CDH4: variants seen among roughly 807,000 people sequenced by gnomAD.
The protein encoded by CDH4 is cadherin-4.
CDH4 carries 33 observed loss-of-function variants against 86.0 expected under a neutral mutation model. The observed-to-expected ratio is 0.38, with a 90% CI of 0.29 to 0.51. The LOEUF (loss-of-function observed/expected upper bound fraction) is 0.51. Among genes scored for constraint, CDH4 ranks in the 20% least tolerant of loss-of-function variants. The pLI is 0.86. For synonymous variants in CDH4, 555 were observed against 549.4 expected (o/e 1.01, Z -0.14); for missense variants, 1,114 against 1,307.4 (o/e 0.85, Z 2.28).
chr20:61,435,938 G>C (rs1048971466), intron 2 of CDH4: 7 of 152,418 alleles, frequency 4.6e-5, no homozygotes, highest in African/African-American at 1.7e-4. Context: ...TTCCAGGCCA[G>C]TGTGGCCTGG....
chr20:61,423,355 C>T (rs1422042072), intron 2 of CDH4, among the ~76,000 whole-genome samples: 1 of 152,144 alleles, frequency 6.6e-6, no homozygotes, highest in Non-Finnish European at 1.5e-5. Flanking sequence ...GCCACTGCCT[C>T]ATGTTTCTTT....
chr20:61,458,807 T>A (rs183601576), intron 2 of CDH4, among the ~76,000 whole-genome samples: 1 of 152,078 alleles, frequency 6.6e-6, no homozygotes, highest in East Asian at 1.9e-4. Context: ...GTGGTGGCAA[T>A]GAGTGAAGCC....
At chr20:61,899,724 G>A (rs976115446) in intron 8 of CDH4, among the ~76,000 whole-genome samples, 4 of 152,188 alleles carry the variant, frequency 2.6e-5, no homozygotes, top group African/African-American at 7.2e-5. Context: ...ACCGCACCCA[G>A]CCCAGGTTAA....
intron 2 of CDH4, among the ~76,000 whole-genome samples, chr20:61,732,131 C>T (rs1184987876): frequency 6.6e-6 from 1 of 152,238 alleles, no homozygotes; most frequent in Non-Finnish European, 1.5e-5. Flanking sequence ...GGCTCGAGTG[C>T]ATTACTCAGG....
chr20:61,503,238 C>T (rs1238862001), intron 2 of CDH4, among the ~76,000 whole-genome samples: 4 of 152,100 alleles, frequency 2.6e-5, no homozygotes, highest in Non-Finnish European at 4.4e-5. Context: ...AGAAGCTCAA[C>T]GTGGGCCCAC....
At chr20:61,587,303 G>A (rs571947900) in intron 2 of CDH4, among the ~76,000 whole-genome samples, 1 of 152,200 alleles carries the variant, frequency 6.6e-6, no homozygotes, top group South Asian at 2.1e-4. Flanking sequence ...CAAGGGGGAT[G>A]CTCTTTCTTT....
chr20:61,257,171 G>T (rs1049052687), intron 2 of CDH4, among the ~76,000 whole-genome samples: 1 of 152,190 alleles, frequency 6.6e-6, no homozygotes, highest in African/African-American at 2.4e-5. Flanking sequence ...TCACAGAGTG[G>T]CCATGTTCCT....
chr20:61,738,045 C>T (rs1330768845), intron 2 of CDH4, among the ~76,000 whole-genome samples: 3 of 152,168 alleles, frequency 2.0e-5, no homozygotes, highest in Non-Finnish European at 2.9e-5. Context: ...GTGAGGACAG[C>T]AGGTGTTCCC....
intron 2 of CDH4, among the ~76,000 whole-genome samples, chr20:61,351,112 G>C (rs2084709553): frequency 6.6e-6 from 1 of 152,182 alleles, no homozygotes; most frequent in Non-Finnish European, 1.5e-5. Context: ...AAGGCCTGCT[G>C]TCCTCCGTGC....
chr20:61,691,349 ATT>A (rs1042401834), intron 2 of CDH4, among the ~76,000 whole-genome samples: 24 of 147,878 alleles, frequency 1.6e-4, no homozygotes, highest in African/African-American at 6.0e-4. Context: ...ATGTGTGTGT[ATT>A]TTTGTGTGTG....
At chr20:61,923,801 C>T in intron 10 of CDH4, 97 bp downstream of exon 10, 6 of 1,458,318 alleles carry the variant, frequency 4.1e-6, no homozygotes, top group Non-Finnish European at 5.5e-6. Context: ...GCCCAGAATT[C>T]CCCCAGATGG....
intron 2 of CDH4, among the ~76,000 whole-genome samples, chr20:61,277,946 A>G (rs1328698172): frequency 6.6e-6 from 1 of 152,198 alleles, no homozygotes; most frequent in Non-Finnish European, 1.5e-5. Context: ...ATCGGGCCTA[A>G]TGGGCCCTCA....
chr20:61,592,430 T>G (rs898733964), intron 2 of CDH4, among the ~76,000 whole-genome samples: 2 of 151,948 alleles, frequency 1.3e-5, no homozygotes, highest in African/African-American at 2.4e-5. Context: ...TGGCCAATGG[T>G]ATGGTTTTTT....
In CDH4 at chr20:61,613,587, G is replaced by T. The variant is rs973113377; in HGVS notation, c.170-129976G>T. On this transcript the variant is annotated intron_variant, in intron 2 of 15. Coordinates refer to ENST00000614565, the MANE Select transcript of CDH4 (RefSeq NM_001794.5). ...TCCAAAAACAAAATCTGGAAAAAAG[G>T]CTTCAAAAGAAAAAAAAAAAAAAAA... Among the ~76,000 whole-genome samples, 3 of 81,512 alleles carry T rather than the reference G, an allele frequency of 3.7e-5. No individual in the cohort carries two copies. In the Admixed American group the frequency reaches 4.9e-4, roughly 13 times the overall value. The allele number at this position is 81,512 out of a possible 152,430, so 53.5% of individuals were successfully genotyped here. A position where few individuals can be genotyped will look rare whatever the true frequency, so the allele number is the denominator to read the frequency against.
intron 2 of CDH4, among the ~76,000 whole-genome samples, chr20:61,705,197 C>T (rs55912004): frequency 0.014 from 2,080 of 152,308 alleles, 54 homozygotes; most frequent in African/African-American, 0.047. Context: ...TTGTTCTCAC[C>T]TTGGTGGAGG....
rs538982344 is a variant in CDH4, at chr20:61,335,945, G to GT, written c.169+81014dup. ...TTGGTACCTTGCCCTTATTTATGTGGTTTTTTAATGATGAAAGTAGAAACG... is the reference window on the plus strand; with the variant it reads ...TTGGTACCTTGCCCTTATTTATGTGGTTTTTTTAATGATGAAAGTAGAAACG... On this transcript the variant is annotated intron_variant, in intron 2 of 15. Transcript: ENST00000614565. Among the ~76,000 whole-genome samples, 103 of 152,276 alleles carry GT rather than the reference G, an allele frequency of 6.8e-4. 1 individual carries two copies. The East Asian group carries it at 0.018, about 27-fold the overall frequency.
chr20:61,727,288 GGAGCCATCATCACCATCA>G (rs889295394), intron 2 of CDH4, among the ~76,000 whole-genome samples: 3 of 151,298 alleles, frequency 2.0e-5, no homozygotes, highest in African/African-American at 7.3e-5. Flanking sequence ...CATCAACACT[GGAGCCATCATCACCATCA>G]GAGCCATCAT....
At chr20:61,546,998 G>C (rs2086092171) in intron 2 of CDH4, among the ~76,000 whole-genome samples, 1 of 152,010 alleles carries the variant, frequency 6.6e-6, no homozygotes, top group South Asian at 2.1e-4. Context: ...GTGCCTCTTA[G>C]GATGCTGCTG....
chr20:61,458,321 A>G (rs953163062), intron 2 of CDH4, among the ~76,000 whole-genome samples: 6 of 150,178 alleles, frequency 4.0e-5, no homozygotes, highest in Middle Eastern at 3.3e-3. Context: ...AGTGGTGGTG[A>G]TGGTCATGGT....
Sources: allele counts gnomAD v4.1 joint callset (sites outside exome capture counted in the v4.1 genomes callset), GRCh38; gene constraint gnomAD v4.1.1; transcripts MANE v1.5; gene names NCBI Gene and HGNC (gene_info 2026-07-23, HGNC 2026-07-21).